Variants in TTC17 observed in about 807,000 individuals in gnomAD.
TTC17 encodes the protein tetratricopeptide repeat domain 17.
TTC17 carries 58 observed loss-of-function variants against 143.8 expected under a neutral mutation model. That is an observed-to-expected ratio of 0.40 (90% CI 0.33 to 0.50). TTC17 has a LOEUF of 0.50. Ranked by LOEUF, TTC17 falls within the 20% of genes least tolerant of loss-of-function variation. TTC17 has a pLI of 0.49. For missense variants in TTC17, 1,273 were observed against 1,392.5 expected, an observed-to-expected ratio of 0.91 and a Z score of 1.37; for synonymous variants, 501 against 497.8, an observed-to-expected ratio of 1.01 and a Z score of -0.09.
intron 17 of TTC17, 149 bp from the exon 18 acceptor site, chr11:43,443,907 C>T (rs1947479671): frequency 4.1e-6 from 4 of 964,124 alleles, no homozygotes; most frequent in Admixed American, 2.8e-5. Flanking sequence ...ATTTCACTAA[C>T]CATTTTTTAT....
intron 2 of TTC17, among the ~76,000 whole-genome samples, chr11:43,389,064 G>A (rs1203925003): frequency 1.3e-5 from 2 of 151,630 alleles, no homozygotes; most frequent in Non-Finnish European, 2.9e-5. Context: ...CTTGAGCCCA[G>A]GAGGTCGAGG....
chr11:43,463,639 AGTTT>A (rs1229540484), intron 21 of TTC17, among the ~76,000 whole-genome samples: 2 of 152,238 alleles, frequency 1.3e-5, no homozygotes, highest in African/African-American at 2.4e-5. Flanking sequence ...CTCTTAAGTT[AGTTT>A]GTCATTTTAA....
chr11:43,436,152 C>G (rs530302987), intron 16 of TTC17: 41 of 1,374,964 alleles, frequency 3.0e-5, no homozygotes, highest in Non-Finnish European at 3.5e-5. Context: ...ATCTGTGTCT[C>G]TTGTCATTGA....
chr11:43,435,303 CA>C (rs1947267735), intron 16 of TTC17: 1 of 152,136 alleles, frequency 6.6e-6, no homozygotes, highest in African/African-American at 2.4e-5. Context: ...CCATGGAACA[CA>C]AGGGGGAAAG....
intron 1 of TTC17, among the ~76,000 whole-genome samples, chr11:43,359,948 T>C (rs1204283625): frequency 6.6e-6 from 1 of 152,214 alleles, no homozygotes; most frequent in Non-Finnish European, 1.5e-5. Context: ...AACGAGTGCG[T>C]GTGTGTGTTC....
chr11:43,419,249 CTCTG>C (rs1258468117), intron 16 of TTC17, among the ~76,000 whole-genome samples: 1 of 152,170 alleles, frequency 6.6e-6, no homozygotes, highest in Non-Finnish European at 1.5e-5. Flanking sequence ...CTGCAAGTTT[CTCTG>C]TCTAATACAT....
intron 16 of TTC17, among the ~76,000 whole-genome samples, chr11:43,416,793 A>G (rs1000846749): frequency 4.6e-5 from 7 of 152,134 alleles, no homozygotes; most frequent in African/African-American, 1.4e-4. Flanking sequence ...CAAACTCACT[A>G]AGGCCACCAG....
intron 21 of TTC17, among the ~76,000 whole-genome samples, chr11:43,461,419 A>T (rs1464181579): frequency 8.7e-5 from 13 of 149,044 alleles, no homozygotes; most frequent in Admixed American, 6.0e-4. Context: ...AAAAAAAACT[A>T]GAAGCCATTG....
At chr11:43,366,567 C>T (rs1329108354) in intron 1 of TTC17, among the ~76,000 whole-genome samples, 2 of 151,920 alleles carry the variant, frequency 1.3e-5, no homozygotes, top group Non-Finnish European at 2.9e-5. Flanking sequence ...AAACATCCAC[C>T]ATGCCAGCAT....
chr11:43,389,863 A>G (rs949322063), intron 3 of TTC17, 42 bp downstream of exon 3: 1 of 1,509,694 alleles, frequency 6.6e-7, no homozygotes, highest in Non-Finnish European at 8.9e-7. Flanking sequence ...GCTGTTTCAA[A>G]CATTTCCTTT....
rs1026161328 is a variant in TTC17, at chr11:43,420,380, C to A, written c.2251+5604C>A. Among the ~76,000 whole-genome samples, 3 of 152,180 alleles carry A rather than the reference C, an allele frequency of 2.0e-5. No homozygotes were observed. In the South Asian group the frequency reaches 6.2e-4, roughly 32 times the overall value. Reference sequence around the variant, plus strand: ...ATAATCACTACACTTTTTATGTCATCCCTCAAAAGAGATGCATTTCTACGT... The same window carrying A: ...ATAATCACTACACTTTTTATGTCATACCTCAAAAGAGATGCATTTCTACGT... On this transcript the variant is annotated intron_variant, in intron 16 of 23. Coordinates refer to ENST00000039989, the MANE Select transcript of TTC17 (RefSeq NM_018259.6).
Position 43,391,509 on chromosome 11 carries a change from C to T in TTC17, c.464C>T (p.Pro155Leu), listed in dbSNP as rs748677341. ...IDTESPVPPD[P>L]EQPDCTKILE... ...ACAGAATCTCCTGTCCCTCCAGACC[C>T]AGAGCAACCTGATTGTACTAAAATT... Residue 155 changes from proline (P) to leucine (L), a missense_variant, in exon 4 of 24, where the codon CCA (proline) becomes CTA (leucine). Physicochemically the swap from Pro to Leu is moderately conservative, Grantham distance 98. This residue lies in a region of TTC17 where 325 missense variants were observed against 444.2 expected (regional missense o/e 0.73). Coordinates refer to ENST00000039989, the MANE Select transcript of TTC17 (RefSeq NM_018259.6). 4.4e-6 allele frequency: 7 copies of T among 1,608,406 alleles called. No individual in the cohort carries two copies. In the Admixed American group the frequency reaches 5.2e-5, roughly 12 times the overall value.
At chr11:43,388,991 T>A (rs1335902249) in intron 2 of TTC17, among the ~76,000 whole-genome samples, 1 of 145,398 alleles carries the variant, frequency 6.9e-6, no homozygotes, top group Non-Finnish European at 1.5e-5. Context: ...AAAAAAAAAA[T>A]TAACTGGGCA....
At chr11:43,462,224 C>T (rs1330433567) in intron 21 of TTC17, among the ~76,000 whole-genome samples, 1 of 152,086 alleles carries the variant, frequency 6.6e-6, no homozygotes, top group African/African-American at 2.4e-5. Flanking sequence ...AATAGTGCCC[C>T]CCTACAAAGA....
intron 10 of TTC17, among the ~76,000 whole-genome samples, chr11:43,402,784 TA>T (rs1183493931): frequency 1.3e-5 from 2 of 152,178 alleles, no homozygotes; most frequent in African/African-American, 2.4e-5. Context: ...GTATTAGAAA[TA>T]AAACATTTAT....
intron 16 of TTC17, among the ~76,000 whole-genome samples, chr11:43,421,599 A>G (rs1301293341): frequency 1.3e-5 from 2 of 152,136 alleles, no homozygotes; most frequent in Non-Finnish European, 1.5e-5. Flanking sequence ...GCATGAACCT[A>G]TTGTAAACTA....
At chr11:43,487,078 G>A (rs1318955010) in intron 21 of TTC17, among the ~76,000 whole-genome samples, 1 of 152,022 alleles carries the variant, frequency 6.6e-6, no homozygotes, top group African/African-American at 2.4e-5. Flanking sequence ...TATTATATGT[G>A]TATTTAATTA....
intron 2 of TTC17, chr11:43,385,565 T>C (rs1414525755): frequency 6.6e-6 from 1 of 152,060 alleles, no homozygotes; most frequent in African/African-American, 2.4e-5. Flanking sequence ...TATTTAGATA[T>C]GAATTTATAG....
intron 1 of TTC17, among the ~76,000 whole-genome samples, chr11:43,377,782 G>A (rs1856817147): frequency 6.6e-6 from 1 of 152,092 alleles, no homozygotes. Context: ...TTAATCTAAA[G>A]CTAAGATTAT....
Sources: gnomAD v4.1 joint callset for allele counts (sites outside exome capture counted in the v4.1 genomes callset) on GRCh38, gnomAD v4.1.1 for gene constraint, gnomAD v4.1.1 regional missense constraint, MANE v1.5 for transcripts, NCBI Gene and HGNC (gene_info 2026-07-23, HGNC 2026-07-21) for gene names.